The following PCDH15 variants were observed in gnomAD, a reference collection of about 807,000 sequenced individuals.
PCDH15 encodes protocadherin-15.
Under a neutral mutation model 178.5 loss-of-function variants are expected in PCDH15, and 129 were observed. The ratio of observed to expected loss-of-function variants is 0.72; its 90% CI spans 0.63 to 0.84. The LOEUF is 0.84. Among genes scored for constraint, PCDH15 ranks in the 40% least tolerant of loss-of-function variants. The pLI is 0.00. For missense variants in PCDH15, 2,230 were observed against 2,099.9 expected (o/e 1.06, Z -1.21); for synonymous variants, 800 against 732.0 (o/e 1.09, Z -1.50).
intron 2 of PCDH15, among the ~76,000 whole-genome samples, chr10:55,069,544 T>C (rs112411270): frequency 7.1e-6 from 1 of 140,680 alleles, no homozygotes; most frequent in Non-Finnish European, 1.5e-5. Flanking sequence ...TTTTTGTTCT[T>C]GCGATAGTTT....
intron 1 of PCDH15, among the ~76,000 whole-genome samples, chr10:54,773,007 C>T (rs751055450): frequency 6.6e-6 from 1 of 150,990 alleles, no homozygotes; most frequent in Non-Finnish European, 1.5e-5. Context: ...AGCAAACTAT[C>T]ATAGGAACAG....
intron 3 of PCDH15, among the ~76,000 whole-genome samples, chr10:54,892,432 G>C (rs1485497106): frequency 6.6e-6 from 1 of 151,350 alleles, no homozygotes. Context: ...TGAATAACAG[G>C]TAAAAGAAGA....
At chr10:53,882,102 C>CTGTTGGGAGAAAAGCTGAG (rs1255476734) in intron 26 of PCDH15, among the ~76,000 whole-genome samples, 4 of 149,526 alleles carry the variant, frequency 2.7e-5, no homozygotes, top group African/African-American at 9.9e-5. Context: ...CAATTCTCCT[C>CTGTTGGGAGAAAAGCTGAG]TGTTGGGAGA....
chr10:54,295,971 C>T (rs1329523504), intron 8 of PCDH15, among the ~76,000 whole-genome samples: 5 of 150,318 alleles, frequency 3.3e-5, no homozygotes, highest in East Asian at 2.0e-4. Context: ...GGTGAAACCC[C>T]GTCTCTACTA....
chr10:54,278,586 GA>G (rs1289004273), intron 8 of PCDH15, among the ~76,000 whole-genome samples: 4 of 151,450 alleles, frequency 2.6e-5, no homozygotes, highest in Non-Finnish European at 5.9e-5. Context: ...GAAAAAAATA[GA>G]ACCCAGTGAC....
intron 1 of PCDH15, among the ~76,000 whole-genome samples, chr10:54,708,726 C>T (rs72794532): frequency 0.1 from 15,470 of 151,784 alleles, 1,023 homozygotes; most frequent in Middle Eastern, 0.17. Flanking sequence ...TATCTGACTC[C>T]TAATTGTGCA....
intron 13 of PCDH15, among the ~76,000 whole-genome samples, chr10:54,183,144 G>A (rs951092149): frequency 8.5e-5 from 13 of 152,050 alleles, no homozygotes; most frequent in African/African-American, 2.9e-4. Context: ...ACCATACCCG[G>A]CTAATTTTGT....
intron 1 of PCDH15, among the ~76,000 whole-genome samples, chr10:55,308,363 A>G (rs960015730): frequency 6.6e-6 from 1 of 152,152 alleles, no homozygotes; most frequent in African/African-American, 2.4e-5. Context: ...ATCTCTTTAG[A>G]TGATAGCCAG....
chr10:54,729,602 C>G lies in PCDH15; in HGVS notation c.-28-65312G>C, dbSNP rs114542236. Among the ~76,000 whole-genome samples, 879 of 151,702 alleles carry G rather than the reference C, an allele frequency of 5.8e-3. 12 individuals are homozygous for G. The highest frequency in any genetic ancestry group is 0.02 in the African/African-American group (842 of 41,456). On this transcript the variant is annotated intron_variant, in intron 1 of 37. Coordinates refer to ENST00000644397, the MANE Select transcript of PCDH15 (RefSeq NM_001384140.1). Reference sequence around the variant, plus strand: ...TCTGCACAGCAAAAGAAACTATCAACAGTGTAAATAGAGAACCTACAAAAT... The same window carrying G: ...TCTGCACAGCAAAAGAAACTATCAAGAGTGTAAATAGAGAACCTACAAAAT...
chr10:55,198,044 A>G (rs1186519213), intron 1 of PCDH15, among the ~76,000 whole-genome samples: 2 of 152,136 alleles, frequency 1.3e-5, no homozygotes, highest in Non-Finnish European at 2.9e-5. Context: ...TAGAAAAAGG[A>G]TGGATAGATA....
chr10:54,837,578 T>C (rs1953338040), intron 3 of PCDH15, among the ~76,000 whole-genome samples: 1 of 152,172 alleles, frequency 6.6e-6, no homozygotes, highest in Admixed American at 6.6e-5. Context: ...TGGGAAAAAG[T>C]AATCAATTAT....
chr10:54,242,130 T>TATATATA (rs2055394419), intron 8 of PCDH15, among the ~76,000 whole-genome samples: 1 of 31,686 alleles, frequency 3.2e-5, no homozygotes. Flanking sequence ...AATTCTATTT[T>TATATATA]TATATATATA....
intron 1 of PCDH15, among the ~76,000 whole-genome samples, chr10:55,219,791 GA>G (rs1326364335): frequency 6.7e-6 from 1 of 150,370 alleles, no homozygotes; most frequent in African/African-American, 2.5e-5. Flanking sequence ...ACATAGCAAG[GA>G]AAAATAAGGA....
chr10:55,149,847 T>C (rs1016339670), intron 2 of PCDH15, among the ~76,000 whole-genome samples: 3 of 152,226 alleles, frequency 2.0e-5, no homozygotes, highest in East Asian at 3.9e-4. Context: ...ATCATGTTCT[T>C]AATGTTCTCA....
chr10:54,150,534 CCTA>C (rs1485160258), intron 14 of PCDH15, among the ~76,000 whole-genome samples: 3 of 151,598 alleles, frequency 2.0e-5, no homozygotes, highest in Non-Finnish European at 4.4e-5. Flanking sequence ...GTCTCTGAAT[CCTA>C]CTTTTTTTCT....
intron 14 of PCDH15, among the ~76,000 whole-genome samples, chr10:54,145,022 A>G (rs545475487): frequency 6.6e-6 from 1 of 152,228 alleles, no homozygotes; most frequent in African/African-American, 2.4e-5. Flanking sequence ...AGGAAGCCAT[A>G]AATTATTTCA....
At chr10:55,459,076 G>C (rs1038273406) in intron 2 of PCDH15, among the ~76,000 whole-genome samples, 1 of 151,744 alleles carries the variant, frequency 6.6e-6, no homozygotes. Context: ...CCAGATAAAG[G>C]GAAGTACAGA....
chr10:55,582,628 A>ATATTTTTTT (rs780312007), intron 2 of PCDH15, among the ~76,000 whole-genome samples: 1 of 69,040 alleles, frequency 1.4e-5, no homozygotes, highest in African/African-American at 6.6e-5. Context: ...ATATATATAT[A>ATATTTTTTT]TTTTTTTTTT....
At chr10:55,163,433 A>T (rs1839113337) in intron 2 of PCDH15, among the ~76,000 whole-genome samples, 1 of 152,146 alleles carries the variant, frequency 6.6e-6, no homozygotes, top group African/African-American at 2.4e-5. Flanking sequence ...ATGAAAACTT[A>T]TTGATTTTAT....
Sources: allele counts gnomAD v4.1 joint callset (sites outside exome capture counted in the v4.1 genomes callset), GRCh38; gene constraint gnomAD v4.1.1; transcripts MANE v1.5; gene names NCBI Gene and HGNC (gene_info 2026-07-23, HGNC 2026-07-21).